The following MAGI2 variants were observed in gnomAD, a reference collection of about 807,000 sequenced individuals.
MAGI2 encodes the protein membrane-associated guanylate kinase, WW and PDZ domain-containing protein 2.
Under a neutral mutation model 133.3 loss-of-function variants are expected in MAGI2, and 35 were observed. That is an observed-to-expected ratio of 0.26 (90% CI 0.20 to 0.35). The LOEUF is 0.35. Ranked by LOEUF, MAGI2 falls within the 10% of genes least tolerant of loss-of-function variation. The pLI, the probability that MAGI2 is intolerant of heterozygous loss-of-function variation, is 1.00. For missense variants in MAGI2, 1,636 were observed against 1,863.4 expected (o/e 0.88, Z 2.25); for synonymous variants, 729 against 710.6 (o/e 1.03, Z -0.41).
At chr7:78,525,467 C>A (rs1178512881) in intron 3 of MAGI2, among the ~76,000 whole-genome samples, 2 of 151,984 alleles carry the variant, frequency 1.3e-5, no homozygotes, top group Non-Finnish European at 2.9e-5. Flanking sequence ...TAAAATGTGC[C>A]TTTTAGGTAA....
intron 2 of MAGI2, among the ~76,000 whole-genome samples, chr7:78,664,377 G>T (rs1813313027): frequency 6.6e-6 from 1 of 151,986 alleles, no homozygotes; most frequent in Admixed American, 6.6e-5. Flanking sequence ...TAATGTTGGT[G>T]TAGAAACACT....
At chr7:78,512,644 T>C (rs928364076) in intron 4 of MAGI2, among the ~76,000 whole-genome samples, 1 of 152,152 alleles carries the variant, frequency 6.6e-6, no homozygotes, top group Non-Finnish European at 1.5e-5. Flanking sequence ...GACCTTGTGA[T>C]CCACCTGCCT....
chr7:79,095,680 T>C (rs1740027628), intron 1 of MAGI2, among the ~76,000 whole-genome samples: 1 of 152,192 alleles, frequency 6.6e-6, no homozygotes, highest in South Asian at 2.1e-4. Context: ...CAACATTTAT[T>C]GATTAAATTT....
At chr7:78,482,123 A>G (rs1346518936) in intron 6 of MAGI2, among the ~76,000 whole-genome samples, 1 of 151,970 alleles carries the variant, frequency 6.6e-6, no homozygotes, top group African/African-American at 2.4e-5. Flanking sequence ...GGATATAGAT[A>G]TGACAAATAA....
At chr7:78,637,728 CCATA>C (rs1809828389) in intron 2 of MAGI2, among the ~76,000 whole-genome samples, 1 of 152,076 alleles carries the variant, frequency 6.6e-6, no homozygotes, top group South Asian at 2.1e-4. Flanking sequence ...TTTATTAATT[CCATA>C]GTTTTATTTG....
intron 10 of MAGI2, among the ~76,000 whole-genome samples, chr7:78,242,267 A>G (rs1791233694): frequency 6.6e-6 from 1 of 152,174 alleles, no homozygotes; most frequent in Non-Finnish European, 1.5e-5. Flanking sequence ...TGTGAGTTAG[A>G]GAGAGGACCC....
In MAGI2 at chr7:78,597,381, G is replaced by C. The variant is rs180940162; in HGVS notation, c.538+29739C>G. On this transcript the variant is annotated intron_variant, in intron 3 of 21. Coordinates refer to ENST00000354212, the MANE Select transcript of MAGI2 (RefSeq NM_012301.4). ...TAAAATAAATGAATTCCTTGGGGGG[G>C]GGGGTCTTATAAATAATTTTAGATT... is the stretch of plus-strand genomic sequence containing the variant. 6.0e-5 allele frequency among the ~76,000 whole-genome samples: 9 copies of C among 150,454 alleles called. No homozygotes were observed. The East Asian group carries it at 1.8e-3, about 31-fold the overall frequency.
intron 1 of MAGI2, among the ~76,000 whole-genome samples, chr7:79,063,957 G>A (rs1302507465): frequency 1.3e-5 from 2 of 152,104 alleles, no homozygotes; most frequent in East Asian, 3.9e-4. Flanking sequence ...TTGAGTTCTG[G>A]CATAGAGATC....
At chr7:78,273,986 G>C (rs540552666) in intron 9 of MAGI2, among the ~76,000 whole-genome samples, 5 of 152,254 alleles carry the variant, frequency 3.3e-5, no homozygotes, top group African/African-American at 1.2e-4. Flanking sequence ...TGCTGGCGAG[G>C]AGTTGTGATC....
intron 1 of MAGI2, among the ~76,000 whole-genome samples, chr7:79,448,484 G>T (rs550467345): frequency 1.3e-5 from 2 of 152,092 alleles, no homozygotes; most frequent in Admixed American, 1.3e-4. Context: ...CTTATCACCT[G>T]CCAGACACTA....
At chr7:78,867,241 G>A (rs4021185) in intron 2 of MAGI2, among the ~76,000 whole-genome samples, 19 of 151,168 alleles carry the variant, frequency 1.3e-4, no homozygotes, top group African/African-American at 4.4e-4. Flanking sequence ...ACATGCACAC[G>A]TATGTTTATT....
At chr7:78,880,050 G>A (rs1422495802) in intron 2 of MAGI2, among the ~76,000 whole-genome samples, 2 of 152,046 alleles carry the variant, frequency 1.3e-5, no homozygotes, top group East Asian at 1.9e-4. Context: ...AATGAACAAA[G>A]TCTTTGAGAA....
At chr7:78,665,128 AG>A (rs1164339911) in intron 2 of MAGI2, among the ~76,000 whole-genome samples, 3 of 152,120 alleles carry the variant, frequency 2.0e-5, no homozygotes, top group Non-Finnish European at 4.4e-5. Flanking sequence ...GCAATGAGTG[AG>A]GGTCAAATTT....
chr7:78,120,003 T>G (rs1820272394), intron 20 of MAGI2, among the ~76,000 whole-genome samples: 8 of 152,250 alleles, frequency 5.3e-5, no homozygotes, highest in Admixed American at 4.6e-4. Flanking sequence ...ATAAATGGAT[T>G]ACATCATGTT....
chr7:78,523,594 T>C (rs1171778678), intron 3 of MAGI2, among the ~76,000 whole-genome samples: 2 of 152,126 alleles, frequency 1.3e-5, no homozygotes, highest in African/African-American at 4.8e-5. Context: ...TGTGGAGGCC[T>C]CAGGAAACTT....
chr7:78,186,772 C>T (rs1381687953), intron 12 of MAGI2, among the ~76,000 whole-genome samples: 1 of 152,154 alleles, frequency 6.6e-6, no homozygotes. Context: ...AATTAGAATG[C>T]ATTATCCAAT....
chr7:78,845,523 T>C (rs1792518686), intron 2 of MAGI2, among the ~76,000 whole-genome samples: 2 of 151,890 alleles, frequency 1.3e-5, no homozygotes, highest in East Asian at 1.9e-4. Context: ...TGTTGAAAAA[T>C]TCTCCCAAGG....
At chr7:78,120,461 C>T (rs558348003) in intron 20 of MAGI2, among the ~76,000 whole-genome samples, 1 of 152,192 alleles carries the variant, frequency 6.6e-6, no homozygotes, top group East Asian at 1.9e-4. Context: ...AGGGCAAAAG[C>T]CCAAGAACAT....
intron 1 of MAGI2, among the ~76,000 whole-genome samples, chr7:79,037,726 C>T (rs935064449): frequency 2.1e-4 from 32 of 152,270 alleles, no homozygotes; most frequent in African/African-American, 7.7e-4. Context: ...AATGACCATG[C>T]AAGTTCCACA....
Sources: gnomAD v4.1 joint callset for allele counts (sites outside exome capture counted in the v4.1 genomes callset) on GRCh38, gnomAD v4.1.1 for gene constraint, MANE v1.5 for transcripts, NCBI Gene and HGNC (gene_info 2026-07-23, HGNC 2026-07-21) for gene names.